COL6A1: variants seen among roughly 807,000 people sequenced by gnomAD.
COL6A1 encodes the protein collagen type VI alpha 1 chain, also known as collagen alpha-1(VI) chain.
A neutral mutation model predicts 145.6 loss-of-function variants in COL6A1; 80 were observed. The observed-to-expected ratio is 0.55, with a 90% CI of 0.46 to 0.66. The LOEUF (loss-of-function observed/expected upper bound fraction) is 0.66. Ranked by LOEUF, COL6A1 falls within the 30% of genes least tolerant of loss-of-function variation. The pLI is 0.00. For synonymous variants in COL6A1, 638 were observed against 622.8 expected (o/e 1.02, Z -0.36); for missense variants, 1,364 against 1,473.8 (o/e 0.93, Z 1.22).
At position 46,001,359 on chromosome 21, in the gene COL6A1, C is replaced by T; in HGVS notation, c.1929C>T (p.Asp643=). The stretch of plus-strand genomic sequence containing the variant: ...AGGACTTCGTCGTCAAGGTCATCGA[C>T]CGGCTGAGCCGGGACGAGCTGGTCA... ...IAKDFVVKVI[D]RLSRDELVKF... The change falls in exon 30 of 35, where the codon GAC becomes GAT. Residue 643 remains aspartate, a synonymous_variant. Transcript: ENST00000361866. 1.2e-6 allele frequency: 2 copies of T among 1,612,248 alleles called. No individual in the cohort carries two copies. Among genetic ancestry groups the T allele is most frequent in the South Asian group, 1.1e-5 (1 of 91,088 alleles).
chr21:45,994,952 G>C lies in COL6A1; in HGVS notation c.1398+723G>C, dbSNP rs1380631030. 6.6e-6 allele frequency among the ~76,000 whole-genome samples: 1 copy of C among 152,252 alleles called. No individual in the cohort carries two copies. The highest frequency in any genetic ancestry group is 1.5e-5 in the Non-Finnish European group (1 of 68,048). On this transcript the variant is annotated intron_variant, in intron 20 of 34. Transcript: ENST00000361866. This position sits in a 1 kb window ranked among gnomAD's most constrained non-coding sequence, Gnocchi z 6.8. ...GGACAAATCGACCTTACGGCTCCAT[G>C]TGCGCAGCTGCCCACACACCGAGCA...
At chr21:45,989,581 G>A (rs760548853) in intron 9 of COL6A1, 27 bp from the exon 10 acceptor site, 2 of 1,611,354 alleles carry the variant, frequency 1.2e-6, no homozygotes, top group Non-Finnish European at 1.7e-6. Flanking sequence ...CTCCGGGGGT[G>A]TCTCACCATC....
At position 45,999,666 on chromosome 21, in the gene COL6A1, G is replaced by C. The variant is rs1204969736; in HGVS notation, c.1750G>C (p.Gly584Arg). 1 of 1,613,512 alleles carries C rather than the reference G, an allele frequency of 6.2e-7. No individual in the cohort carries two copies. Among genetic ancestry groups the C allele is most frequent in the Non-Finnish European group, 8.5e-7 (1 of 1,179,946 alleles). ...RGPEGPQGPP[G>R]HQGPPGPDEC... Reference sequence around the variant, plus strand: ...TCCGTTTCTCGGACAGGGACCCCCAGGACACCAAGGACCGCCTGGGCCGGA... The same window carrying C: ...TCCGTTTCTCGGACAGGGACCCCCACGACACCAAGGACCGCCTGGGCCGGA... The change falls in exon 27 of 35, where the codon GGA becomes CGA. Residue 584 changes from glycine (G) to arginine (R), a missense_variant. Physicochemically the swap from Gly to Arg is moderately radical, Grantham distance 125. This residue lies in a region of COL6A1 where 938 missense variants were observed against 1,003.8 expected (regional missense o/e 0.93). Coordinates refer to ENST00000361866, the MANE Select transcript of COL6A1 (RefSeq NM_001848.3).
rs1348318806 is a variant in COL6A1, at chr21:45,982,702, G to A, written c.166G>A (p.Gly56Arg). Residue 56 changes from glycine (G) to arginine (R), a missense_variant, in exon 2 of 35, where the codon GGG becomes AGG. Coordinates refer to ENST00000361866, the MANE Select transcript of COL6A1 (RefSeq NM_001848.3). ...ESVALRLKPYGALVDKVKSFT... is the reference protein window; with the variant it reads ...ESVALRLKPYRALVDKVKSFT... Reference sequence around the variant, plus strand: ...CGTGGCCCTGAGGCTGAAGCCCTACGGGGCCCTCGTGGACAAAGTCAAGTC... The same window carrying A: ...CGTGGCCCTGAGGCTGAAGCCCTACAGGGCCCTCGTGGACAAAGTCAAGTC... 1.2e-6 allele frequency: 2 copies of A among 1,612,864 alleles called. No homozygotes were observed. The highest frequency in any genetic ancestry group is 1.7e-5 in the Admixed American group (1 of 60,026).
chr21:45,992,610 G>C, intron 18 of COL6A1, 138 bp from the exon 19 acceptor site: 1 of 1,058,042 alleles, frequency 9.5e-7, no homozygotes, highest in Non-Finnish European at 1.4e-6. Flanking sequence ...CTCTGCAACC[G>C]TGGGGCATGC....
intron 19 of COL6A1, among the ~76,000 whole-genome samples, chr21:45,993,392 C>T (rs1210490169): frequency 1.3e-5 from 2 of 152,198 alleles, no homozygotes; most frequent in Admixed American, 6.5e-5. Flanking sequence ...TGGCAGACTC[C>T]GGGCGTCTCA....
At position 45,984,366 on chromosome 21, in the gene COL6A1, G is replaced by A. The variant is rs368580280; in HGVS notation, c.325G>A (p.Gly109Ser). The change falls in exon 3 of 35, where the codon GGC becomes AGC. Residue 109 changes from glycine to serine, a missense_variant. Physicochemically the swap from Gly to Ser is moderately conservative, Grantham distance 56 (BLOSUM62 0). This residue lies in a region of COL6A1 where 414 missense variants were observed against 437.6 expected (regional missense o/e 0.95). Coordinates refer to ENST00000361866, the MANE Select transcript of COL6A1 (RefSeq NM_001848.3). ...IIQGLTRMPG[G>S]RDALKSSVDA... ...CCAAGGCCTCACGCGCATGCCTGGC[G>A]GCCGCGACGCACTCAAAAGCAGCGT... 1.1e-5 allele frequency: 18 copies of A among 1,612,566 alleles called. No homozygotes were observed. The highest frequency in any genetic ancestry group is 2.2e-5 in the South Asian group (2 of 91,076).
intron 10 of COL6A1, 42 bp downstream of exon 10, chr21:45,989,694 T>G: frequency 2.5e-6 from 4 of 1,613,092 alleles, no homozygotes; most frequent in Non-Finnish European, 3.4e-6. Flanking sequence ...GGTGGTGCCC[T>G]CAGCCTTGCA....
At chr21:45,998,726 C>T (rs1037563080) in intron 24 of COL6A1, among the ~76,000 whole-genome samples, 171 bp from the exon 25 acceptor site, 15 of 152,236 alleles carry the variant, frequency 9.9e-5, no homozygotes, top group African/African-American at 3.1e-4. Flanking sequence ...GGCCGCCCCA[C>T]GGCTCTCTAG....
chr21:46,001,427 A>G (rs1294117047), intron 30 of COL6A1, 41 bp downstream of exon 30: 67 of 1,601,546 alleles, frequency 4.2e-5, no homozygotes, highest in Non-Finnish European at 5.6e-5. Context: ...GCCCAGGTGC[A>G]CCCCGACCCT....
intron 8 of COL6A1, among the ~76,000 whole-genome samples, chr21:45,988,662 G>T (rs1045684525): frequency 6.6e-6 from 1 of 152,154 alleles, no homozygotes; most frequent in Non-Finnish European, 1.5e-5. Context: ...GGCTCACATA[G>T]GATGACCTTA....
chr21:46,001,600 G>A (rs1303691095), intron 30 of COL6A1, among the ~76,000 whole-genome samples: 1 of 152,252 alleles, frequency 6.6e-6, no homozygotes, highest in Admixed American at 6.5e-5. Context: ...CCCCAGATGA[G>A]GGAGGGTCTC....
chr21:45,991,625 A>G (rs908801852), intron 15 of COL6A1, among the ~76,000 whole-genome samples: 2 of 152,194 alleles, frequency 1.3e-5, no homozygotes, highest in Admixed American at 1.3e-4. Flanking sequence ...ACCCCACCCC[A>G]AACATTCCCA....
intron 27 of COL6A1, among the ~76,000 whole-genome samples, chr21:46,000,102 G>GACGGCCACGGGGAGACCCA (rs2077834735): frequency 2.7e-5 from 4 of 150,340 alleles, no homozygotes; most frequent in African/African-American, 9.8e-5. Flanking sequence ...GAGGGGACCC[G>GACGGCCACGGGGAGACCCA]TGACGGCCAC....
intron 24 of COL6A1, 125 bp from the exon 25 acceptor site, chr21:45,998,772 T>G: frequency 9.8e-6 from 11 of 1,121,942 alleles, no homozygotes; most frequent in Non-Finnish European, 1.4e-5. Flanking sequence ...GCCCAGGAAA[T>G]GTGTGTGGTG....
intron 11 of COL6A1, 85 bp from the exon 12 acceptor site, chr21:45,990,173 C>G: frequency 6.5e-7 from 1 of 1,542,592 alleles, no homozygotes; most frequent in South Asian, 1.1e-5. Context: ...GGCACCCAAG[C>G]CCCTGCCTCG....
chr21:45,983,306 C>T (rs1156331132), intron 2 of COL6A1, among the ~76,000 whole-genome samples: 1 of 151,912 alleles, frequency 6.6e-6, no homozygotes, highest in Non-Finnish European at 1.5e-5. Flanking sequence ...ACACGGCACC[C>T]TCTGCTCCAC....
intron 2 of COL6A1, 142 bp downstream of exon 2, chr21:45,982,905 G>T: frequency 8.5e-7 from 1 of 1,177,522 alleles, no homozygotes; most frequent in Non-Finnish European, 1.2e-6. Context: ...CCCTCCCGGC[G>T]CCCTCCAGAG....
At chr21:46,002,981 CA>C (rs2077857477) in intron 33 of COL6A1, 138 bp from the exon 34 acceptor site, 3 of 1,306,940 alleles carry the variant, frequency 2.3e-6, no homozygotes, top group Non-Finnish European at 3.3e-6. Flanking sequence ...GGCTGTCCCA[CA>C]GGCATCCTCC....
Sources: gnomAD v4.1 joint callset for allele counts (sites outside exome capture counted in the v4.1 genomes callset) on GRCh38, gnomAD v4.1.1 for gene constraint, gnomAD v4.1.1 regional missense constraint, Gnocchi (gnomAD v3.1) non-coding constraint, MANE v1.5 for transcripts, NCBI Gene and HGNC (gene_info 2026-07-23, HGNC 2026-07-21) for gene names.